KCNMA1: variants seen among roughly 807,000 people sequenced by gnomAD.
KCNMA1 encodes the protein potassium calcium-activated channel subfamily M alpha 1.
In KCNMA1, 29 loss-of-function variants were observed where a neutral mutation model predicts 140.0. The ratio of observed to expected loss-of-function variants is 0.21; its 90% CI spans 0.15 to 0.28. KCNMA1 has a LOEUF of 0.28. KCNMA1 is among the 10% of genes least tolerant of loss of function. The probability of loss-of-function intolerance (pLI) is 1.00; values close to 1 mark genes in which losing one functional copy is unlikely to be tolerated. For missense variants in KCNMA1, 880 were observed against 1,602.2 expected, an observed-to-expected ratio of 0.55 and a Z score of 7.70; for synonymous variants, 612 against 611.9, an observed-to-expected ratio of 1.00 and a Z score of 0.00.
chr10:77,039,575 T>G lies in KCNMA1; in HGVS notation c.1812A>C (p.Glu604Asp). Residue 604 changes from glutamate (E) to aspartate (D), a missense_variant, in exon 15 of 28, where the codon GAA becomes GAC. By Grantham distance (45) the Glu-to-Asp change is conservative. Coordinates refer to ENST00000286628, the MANE Select transcript of KCNMA1 (RefSeq NM_001161352.2). ...LEGVSNEMYT[E>D]YLSSAFVGLS... ...GACCCACGAAGGCACTGGAGAGATA[T>G]TCTGTGTACATTTCATTTGAGACTC... The G allele has an allele frequency of 6.2e-7, 1 of 1,612,948 alleles. No individual in the cohort carries two copies. The highest frequency in any genetic ancestry group is 8.5e-7 in the Non-Finnish European group (1 of 1,178,920).
At chr10:77,566,626 C>T (rs568574517) in intron 1 of KCNMA1, among the ~76,000 whole-genome samples, 1 of 152,310 alleles carries the variant, frequency 6.6e-6, no homozygotes, top group South Asian at 2.1e-4. Flanking sequence ...GGGTAGAATT[C>T]CATTGCCATA....
intron 14 of KCNMA1, among the ~76,000 whole-genome samples, chr10:77,069,507 A>C (rs1376294197): frequency 6.6e-6 from 1 of 152,186 alleles, no homozygotes; most frequent in Non-Finnish European, 1.5e-5. Context: ...TGAAGTTTAA[A>C]TGGAGTAAAT....
At chr10:77,162,121 T>C (rs577129061) in intron 5 of KCNMA1, among the ~76,000 whole-genome samples, 9 of 152,366 alleles carry the variant, frequency 5.9e-5, no homozygotes, top group African/African-American at 2.2e-4. Context: ...ATTGGCACTC[T>C]TGGTGGCCCC....
chr10:77,508,581 C>CTTTTTT (rs761735012), intron 1 of KCNMA1, among the ~76,000 whole-genome samples: 146 of 99,856 alleles, frequency 1.5e-3, no homozygotes, highest in African/African-American at 4.4e-3. Flanking sequence ...TTTTTCTTTT[C>CTTTTTT]TTTTTTTTTT....
chr10:77,207,626 G>T (rs1230806787), intron 3 of KCNMA1, among the ~76,000 whole-genome samples: 1 of 152,136 alleles, frequency 6.6e-6, no homozygotes, highest in Admixed American at 6.6e-5. Context: ...TGAACATCTG[G>T]TAGAGATCCA....
intron 9 of KCNMA1, among the ~76,000 whole-genome samples, chr10:77,105,736 T>C (rs1196921440): frequency 1.3e-5 from 2 of 152,204 alleles, no homozygotes; most frequent in African/African-American, 4.8e-5. Flanking sequence ...GCTGCTTTCC[T>C]TTTGCAAATG....
At chr10:77,002,564 T>C (rs1265369358) in intron 18 of KCNMA1, among the ~76,000 whole-genome samples, 2 of 152,232 alleles carry the variant, frequency 1.3e-5, no homozygotes, top group Non-Finnish European at 2.9e-5. Flanking sequence ...AATATCTTAA[T>C]GCAATTTGCA....
In KCNMA1 at chr10:77,282,856, T is replaced by A. The variant is rs1466408390; in HGVS notation, c.541-31600A>T. On this transcript the variant is annotated intron_variant, in intron 2 of 27. Transcript: ENST00000286628. ...AAGACCCCATCTCTAAAACAAACAATCAAAACAGAATTTCTTTGCTAATTA... is the reference window on the plus strand; with the variant it reads ...AAGACCCCATCTCTAAAACAAACAAACAAAACAGAATTTCTTTGCTAATTA... Among the ~76,000 whole-genome samples, 3 of 151,878 alleles carry A rather than the reference T, an allele frequency of 2.0e-5. No homozygotes were observed. In the East Asian group the frequency reaches 5.8e-4, roughly 29 times the overall value.
chr10:77,437,363 A>G (rs2097287680), intron 1 of KCNMA1, among the ~76,000 whole-genome samples: 1 of 152,228 alleles, frequency 6.6e-6, no homozygotes, highest in Admixed American at 6.5e-5. Flanking sequence ...GGCACCGGAT[A>G]AAAATAATAG....
chr10:77,458,077 A>G (rs1333830297), intron 1 of KCNMA1, among the ~76,000 whole-genome samples: 2 of 152,150 alleles, frequency 1.3e-5, no homozygotes, highest in Non-Finnish European at 2.9e-5. Flanking sequence ...CCTCCCTGCC[A>G]AAAAGACCCG....
chr10:77,228,747 T>C (rs981966086), intron 3 of KCNMA1, among the ~76,000 whole-genome samples: 15 of 152,206 alleles, frequency 9.9e-5, no homozygotes, highest in African/African-American at 3.6e-4. Flanking sequence ...ACTGCTTTGC[T>C]CTTTCCCTCC....
chr10:77,464,761 A>G (rs980575587), intron 1 of KCNMA1, among the ~76,000 whole-genome samples: 12 of 152,216 alleles, frequency 7.9e-5, no homozygotes, highest in Non-Finnish European at 1.8e-4. Context: ...CAGCTGACCC[A>G]GACTGGTGTG....
At chr10:76,963,139 T>G (rs2072384447) in intron 20 of KCNMA1, among the ~76,000 whole-genome samples, 1 of 152,186 alleles carries the variant, frequency 6.6e-6, no homozygotes, top group South Asian at 2.1e-4. Context: ...ATGTTCTTAA[T>G]TAAGCAACTA....
intron 23 of KCNMA1, among the ~76,000 whole-genome samples, chr10:76,942,393 G>A (rs2062748975): frequency 6.6e-6 from 1 of 152,236 alleles, no homozygotes; most frequent in Non-Finnish European, 1.5e-5. Context: ...TTGGCAGGGA[G>A]TAGGTGGAGG....
chr10:77,283,445 G>C (rs2069449127), intron 2 of KCNMA1, among the ~76,000 whole-genome samples: 1 of 152,190 alleles, frequency 6.6e-6, no homozygotes, highest in Non-Finnish European at 1.5e-5. Context: ...AACCAAGATG[G>C]TGCCTGTCAG....
rs201807674 is a variant in KCNMA1 at position 77,090,389 on chromosome 10, G to A, written c.1334+11C>T. Reference sequence around the variant, plus strand: ...TGGGCAGAGGGTCTGACAGCAGTAGGAAGCTCTTACTTGTGAAGAAAAACG... The same window carrying A: ...TGGGCAGAGGGTCTGACAGCAGTAGAAAGCTCTTACTTGTGAAGAAAAACG... On this transcript the variant is annotated intron_variant, in intron 10 of 27. Transcript: ENST00000286628. 49 of 1,561,380 alleles carry A rather than the reference G, an allele frequency of 3.1e-5. No homozygotes were observed. In the South Asian group the frequency reaches 4.9e-4, roughly 16 times the overall value.
At chr10:77,560,019 T>C (rs879816766) in intron 1 of KCNMA1, among the ~76,000 whole-genome samples, 9 of 141,170 alleles carry the variant, frequency 6.4e-5, no homozygotes, top group Non-Finnish European at 1.3e-4. Context: ...CTACTAAAAA[T>C]ACAAAAAAAA....
chr10:77,152,278 TTGTG>T (rs72088425), intron 5 of KCNMA1, among the ~76,000 whole-genome samples: 1,387 of 99,148 alleles, frequency 0.014, 26 homozygotes, highest in African/African-American at 0.045. Context: ...TTTTTTGCTT[TTGTG>T]TGTGTGTGTG....
At chr10:77,457,958 T>G (rs1293254326) in intron 1 of KCNMA1, among the ~76,000 whole-genome samples, 1 of 151,618 alleles carries the variant, frequency 6.6e-6, no homozygotes, top group East Asian at 1.9e-4. Flanking sequence ...GAAACAAATG[T>G]AAGGCCCAGA....
Sources: gnomAD v4.1 joint callset for allele counts (sites outside exome capture counted in the v4.1 genomes callset) on GRCh38, gnomAD v4.1.1 for gene constraint, MANE v1.5 for transcripts, NCBI Gene and HGNC (gene_info 2026-07-23, HGNC 2026-07-21) for gene names.